Variants in CAPZB observed in about 807,000 individuals in gnomAD.
The protein encoded by CAPZB is capping actin protein of muscle Z-line subunit beta, also known as F-actin-capping protein subunit beta.
A neutral mutation model predicts 38.1 loss-of-function variants in CAPZB; 2 were observed. The ratio of observed to expected loss-of-function variants is 0.05; its 90% CI spans 0.02 to 0.17. The LOEUF is 0.17. CAPZB is among the 10% of genes least tolerant of loss of function. The pLI is 1.00. For synonymous variants in CAPZB, 107 were observed against 127.4 expected, an observed-to-expected ratio of 0.84 and a Z score of 1.08; for missense variants, 161 against 334.2, an observed-to-expected ratio of 0.48 and a Z score of 4.04.
At chr1:19,380,888 G>A (rs2094170731) in intron 3 of CAPZB, among the ~76,000 whole-genome samples, 1 of 152,058 alleles carries the variant, frequency 6.6e-6, no homozygotes. Flanking sequence ...GAATGAATTT[G>A]GCCAGGCGCG....
At position 19,356,042 on chromosome 1, in the gene CAPZB, C is replaced by T. The variant is rs528483017; in HGVS notation, c.588+593G>A. On this transcript the variant is annotated intron_variant, in intron 6 of 8. Transcript: ENST00000264202. The surrounding 1 kb of genome is among the most constrained non-coding windows in gnomAD (Gnocchi z 4.3). ...AGAAGGGTTGCTAGTGATACCCAAA[C>T]AAAAGATGGATAAGAGAGAGGTATC... 8.5e-5 allele frequency among the ~76,000 whole-genome samples: 13 copies of T among 152,214 alleles called. No homozygotes were observed. In the South Asian group the frequency reaches 2.7e-3, roughly 32 times the overall value.
intron 1 of CAPZB, among the ~76,000 whole-genome samples, chr1:19,438,862 C>T (rs960569048): frequency 1.3e-5 from 2 of 152,230 alleles, no homozygotes; most frequent in Admixed American, 6.5e-5. Flanking sequence ...TCATTAGGAA[C>T]GGTCGCTCCC....
chr1:19,447,186 T>C (rs2094498934), intron 1 of CAPZB, among the ~76,000 whole-genome samples: 1 of 152,002 alleles, frequency 6.6e-6, no homozygotes, highest in Non-Finnish European at 1.5e-5. Context: ...GTAATTGTTG[T>C]TGCTTTGTTT....
At chr1:19,367,643 G>T (rs953651743) in intron 4 of CAPZB, among the ~76,000 whole-genome samples, 2 of 152,160 alleles carry the variant, frequency 1.3e-5, no homozygotes, top group Non-Finnish European at 2.9e-5. Context: ...CACGGGACAG[G>T]TATTCAGCGG....
intron 6 of CAPZB, among the ~76,000 whole-genome samples, chr1:19,351,698 G>A (rs2093992348): frequency 6.6e-6 from 1 of 152,204 alleles, no homozygotes; most frequent in African/African-American, 2.4e-5. Flanking sequence ...AGGTCTGGGT[G>A]ATTCTGAAAC....
At chr1:19,422,106 A>G (rs2094403489) in intron 1 of CAPZB, among the ~76,000 whole-genome samples, 1 of 152,196 alleles carries the variant, frequency 6.6e-6, no homozygotes, top group African/African-American at 2.4e-5. Flanking sequence ...GTTAAAAGGT[A>G]TAAACTAGTA....
chr1:19,406,281 C>T (rs2094331652), intron 2 of CAPZB, among the ~76,000 whole-genome samples: 1 of 152,232 alleles, frequency 6.6e-6, no homozygotes, highest in African/African-American at 2.4e-5. Context: ...TCTGGGTGCA[C>T]TGGAACCCAA....
rs768346705 is a variant in CAPZB, at chr1:19,419,633, A to G, written c.93+28T>C. The G allele has an allele frequency of 5.8e-5, 80 of 1,386,836 alleles. 1 individual carries two copies. Among genetic ancestry groups the G allele is most frequent in the Non-Finnish European group, 7.6e-5 (75 of 988,918 alleles). 85.9% of individuals were successfully genotyped at this position (1,386,836 alleles called of 1,614,324 possible). Reference sequence around the variant, plus strand: ...CAACTAACTCTTAGCCGCAGTCTCAAATGGAACCATATGAAGGAGGCACGT... The same window carrying G: ...CAACTAACTCTTAGCCGCAGTCTCAGATGGAACCATATGAAGGAGGCACGT... On this transcript the variant is annotated intron_variant, in intron 2 of 8. Transcript: ENST00000264202.
At chr1:19,365,175 T>C (rs1420531990) in intron 4 of CAPZB, among the ~76,000 whole-genome samples, 1 of 152,088 alleles carries the variant, frequency 6.6e-6, no homozygotes, top group Non-Finnish European at 1.5e-5. Context: ...GCCATGAAAA[T>C]ACCTCTCACA....
At chr1:19,400,551 T>C (rs1480014440) in intron 2 of CAPZB, among the ~76,000 whole-genome samples, 1 of 152,204 alleles carries the variant, frequency 6.6e-6, no homozygotes, top group Non-Finnish European at 1.5e-5. Flanking sequence ...GAGGGAGTTG[T>C]TGTCTGCCTT....
intron 1 of CAPZB, among the ~76,000 whole-genome samples, chr1:19,460,700 A>AAC (rs2094548602): frequency 6.7e-6 from 1 of 148,980 alleles, no homozygotes; most frequent in Non-Finnish European, 1.5e-5. Flanking sequence ...GGCATGAGCC[A>AAC]CCAAGTTCTG....
intron 1 of CAPZB, among the ~76,000 whole-genome samples, chr1:19,451,348 T>C (rs1002819522): frequency 3.3e-5 from 5 of 151,968 alleles, no homozygotes; most frequent in Non-Finnish European, 7.4e-5. Flanking sequence ...AAACAACAGA[T>C]AAAAGGAAAT....
At chr1:19,391,682 G>C (rs541381031) in intron 2 of CAPZB, among the ~76,000 whole-genome samples, 2 of 152,164 alleles carry the variant, frequency 1.3e-5, no homozygotes, top group Non-Finnish European at 2.9e-5. Flanking sequence ...TCAAATCCTC[G>C]GTCAGTCACT....
chr1:19,369,038 C>T (rs115853457), intron 4 of CAPZB, among the ~76,000 whole-genome samples: 2,209 of 152,254 alleles, frequency 0.015, 57 homozygotes, highest in African/African-American at 0.05. Context: ...TTAGAGGAAC[C>T]CAAGAATTCT....
chr1:19,456,929 A>C (rs1447054516), intron 1 of CAPZB, among the ~76,000 whole-genome samples: 1 of 152,244 alleles, frequency 6.6e-6, no homozygotes, highest in Non-Finnish European at 1.5e-5. Flanking sequence ...CATTATACTC[A>C]TTTGAGCAGG....
intron 1 of CAPZB, among the ~76,000 whole-genome samples, chr1:19,463,207 T>C (rs2094557881): frequency 2.6e-5 from 4 of 152,124 alleles, no homozygotes; most frequent in Admixed American, 2.6e-4. Context: ...GCTGCGCGGG[T>C]CTACAGGGCA....
intron 3 of CAPZB, among the ~76,000 whole-genome samples, chr1:19,383,437 A>C (rs1179779526): frequency 2.5e-4 from 29 of 115,736 alleles, no homozygotes; most frequent in Admixed American, 5.2e-4. Flanking sequence ...ACAGAGTGAG[A>C]CTCTGTCTCA....
chr1:19,368,515 C>A (rs868762175), intron 4 of CAPZB, among the ~76,000 whole-genome samples: 17 of 124,950 alleles, frequency 1.4e-4, no homozygotes, highest in Non-Finnish European at 2.7e-4. Context: ...AAAAAAAAAA[C>A]GGTGGAGAGA....
In CAPZB at chr1:19,343,838, T is replaced by G. The variant is rs1039692791; in HGVS notation, c.731+520A>C. Among the ~76,000 whole-genome samples, 2 of 152,148 alleles carry G rather than the reference T, an allele frequency of 1.3e-5. 1 individual carries two copies. Among genetic ancestry groups the G allele is most frequent in the African/African-American group, 4.8e-5 (2 of 41,426 alleles). ...GGCAGCAGAGCCCTGGCAGAGGACG[T>G]CAGAGAGGCTGGGGCCCCCTGAGAA... On this transcript the variant is annotated intron_variant, in intron 8 of 8. Transcript: ENST00000264202.
Sources: allele counts gnomAD v4.1 joint callset (sites outside exome capture counted in the v4.1 genomes callset), GRCh38; gene constraint gnomAD v4.1.1; non-coding constraint Gnocchi (gnomAD v3.1); transcripts MANE v1.5; gene names NCBI Gene and HGNC (gene_info 2026-07-23, HGNC 2026-07-21).